APBA1: variants seen among roughly 807,000 people sequenced by gnomAD.
APBA1 encodes the protein amyloid-beta A4 precursor protein-binding family A member 1.
A neutral mutation model predicts 86.6 loss-of-function variants in APBA1; 55 were observed. That is an observed-to-expected ratio of 0.64 (90% confidence interval 0.51 to 0.80). The LOEUF is 0.80. Among genes scored for constraint, APBA1 ranks in the 30% least tolerant of loss-of-function variants. APBA1 has a pLI of 0.00. For synonymous variants in APBA1, 511 were observed against 493.9 expected, an observed-to-expected ratio of 1.03 and a Z score of -0.46; for missense variants, 1,090 against 1,183.0, an observed-to-expected ratio of 0.92 and a Z score of 1.15.
intron 5 of APBA1, among the ~76,000 whole-genome samples, chr9:69,467,337 A>G (rs958901899): frequency 1.3e-5 from 2 of 152,356 alleles, no homozygotes; most frequent in Middle Eastern, 3.4e-3. Context: ...ACCTTAGACT[A>G]GCCAGGTTAG....
chr9:69,465,749 T>C (rs1835267575), intron 5 of APBA1, among the ~76,000 whole-genome samples: 1 of 152,304 alleles, frequency 6.6e-6, no homozygotes, highest in Admixed American at 6.5e-5. Context: ...GACACATCTC[T>C]TTGGGTAGGG....
chr9:69,444,772 C>G (rs1458452698), intron 10 of APBA1, among the ~76,000 whole-genome samples: 2 of 152,118 alleles, frequency 1.3e-5, no homozygotes, highest in Non-Finnish European at 2.9e-5. Flanking sequence ...TTCCATCCAC[C>G]TAATCAATAA....
intron 1 of APBA1, among the ~76,000 whole-genome samples, chr9:69,585,546 A>G (rs1822000691): frequency 6.6e-6 from 1 of 152,152 alleles, no homozygotes; most frequent in Admixed American, 6.5e-5. Context: ...CCCTTGGCCC[A>G]GGGGTACCAT....
chr9:69,561,963 C>A (rs1321619737), intron 1 of APBA1, among the ~76,000 whole-genome samples: 1 of 152,052 alleles, frequency 6.6e-6, no homozygotes, highest in African/African-American at 2.4e-5. Flanking sequence ...TAATTACCAT[C>A]ATCATAATCA....
chr9:69,600,829 T>TAAATAAATAAATA (rs1564088633), intron 1 of APBA1, among the ~76,000 whole-genome samples: 3 of 147,346 alleles, frequency 2.0e-5, no homozygotes, highest in African/African-American at 4.9e-5. Flanking sequence ...AATAAATAAA[T>TAAATAAATAAATA]AAATAAAATA....
chr9:69,515,690 T>TTG (rs1836125254), intron 2 of APBA1, among the ~76,000 whole-genome samples: 1 of 110,754 alleles, frequency 9.0e-6, no homozygotes, highest in African/African-American at 4.0e-5. Context: ...AATCAGAAAC[T>TTG]GGGGGGGGGG....
At position 69,516,569 on chromosome 9, in the gene APBA1, C is replaced by A; in HGVS notation, c.642G>T (p.Arg214=). 1 of 1,600,684 alleles carries A rather than the reference C, an allele frequency of 6.2e-7. No homozygotes were observed. The highest frequency in any genetic ancestry group is 1.1e-5 in the South Asian group (1 of 90,816). ...APELDARDGL[R]LYEQERDEAA... is the part of the protein sequence containing the mutation. ...CCTCGTCGCGCTCCTGCTCGTAGAGCCGCAGGCCGTCGCGTGCGTCCAGCT... is the reference window on the plus strand; with the variant it reads ...CCTCGTCGCGCTCCTGCTCGTAGAGACGCAGGCCGTCGCGTGCGTCCAGCT... The change falls in exon 2 of 13, where the codon CGG becomes CGT. Residue 214 remains arginine (R), a synonymous_variant. Coordinates refer to ENST00000265381, the MANE Select transcript of APBA1 (RefSeq NM_001163.4). This position sits in a 1 kb window ranked among gnomAD's most constrained non-coding sequence, Gnocchi z 7.3.
chr9:69,561,292 A>T (rs916859534), intron 1 of APBA1, among the ~76,000 whole-genome samples: 1 of 152,224 alleles, frequency 6.6e-6, no homozygotes, highest in Non-Finnish European at 1.5e-5. Flanking sequence ...TAGTTGGTTT[A>T]TATGATGGTG....
At chr9:69,660,094 T>A (rs1312902644) in intron 1 of APBA1, among the ~76,000 whole-genome samples, 1 of 152,198 alleles carries the variant, frequency 6.6e-6, no homozygotes, top group Non-Finnish European at 1.5e-5. Context: ...CAAACAGCCC[T>A]GCCATAATTC....
At chr9:69,452,485 C>A (rs917385403) in intron 8 of APBA1, among the ~76,000 whole-genome samples, 184 bp from the exon 9 acceptor site, 1 of 152,214 alleles carries the variant, frequency 6.6e-6, no homozygotes, top group Non-Finnish European at 1.5e-5. Flanking sequence ...TTCAGAAAGA[C>A]TGGGGATGTT....
chr9:69,641,583 G>A (rs1036655774), intron 1 of APBA1, among the ~76,000 whole-genome samples: 5 of 152,232 alleles, frequency 3.3e-5, no homozygotes, highest in Non-Finnish European at 5.9e-5. Context: ...TCCAGAAACA[G>A]ACCCACCATA....
At chr9:69,669,653 T>C (rs1823909848) in intron 1 of APBA1, among the ~76,000 whole-genome samples, 1 of 152,188 alleles carries the variant, frequency 6.6e-6, no homozygotes. Flanking sequence ...CATGTGCCTA[T>C]TGTCCCAGCT....
In APBA1 at chr9:69,535,171, G is replaced by C. The variant is rs905448798; in HGVS notation, c.-69-17892C>G. Among the ~76,000 whole-genome samples, 13 of 152,174 alleles carry C rather than the reference G, an allele frequency of 8.5e-5. No individual in the cohort carries two copies. In the East Asian group the frequency reaches 2.5e-3, roughly 29 times the overall value. ...GAAACTCAATAAAGAACCATTACTT[G>C]ATTATGACTATGTAAATAATGTTCA... On this transcript the variant is annotated intron_variant, in intron 1 of 12. Transcript: ENST00000265381.
At chr9:69,459,795 AG>A (rs1454028963) in intron 5 of APBA1, among the ~76,000 whole-genome samples, 1 of 152,250 alleles carries the variant, frequency 6.6e-6, no homozygotes, top group East Asian at 1.9e-4. Context: ...TCTACCTCAC[AG>A]GGATATTTTG....
intron 1 of APBA1, among the ~76,000 whole-genome samples, chr9:69,665,921 A>G (rs1256680904): frequency 6.6e-6 from 1 of 152,112 alleles, no homozygotes; most frequent in Non-Finnish European, 1.5e-5. Flanking sequence ...TTTTTAGTAG[A>G]GACAGCATTT....
At chr9:69,495,667 A>T (rs1004402846) in intron 2 of APBA1, among the ~76,000 whole-genome samples, 6 of 152,176 alleles carry the variant, frequency 3.9e-5, no homozygotes, top group Admixed American at 1.3e-4. Context: ...AGCAGCACCT[A>T]CTATTTCTGG....
At chr9:69,555,053 T>C (rs1836841532) in intron 1 of APBA1, among the ~76,000 whole-genome samples, 2 of 152,188 alleles carry the variant, frequency 1.3e-5, no homozygotes, top group Admixed American at 1.3e-4. Flanking sequence ...ATTCAGGCAT[T>C]CAAAACTAAG....
intron 1 of APBA1, among the ~76,000 whole-genome samples, chr9:69,630,945 G>A (rs955811521): frequency 1.3e-5 from 2 of 152,188 alleles, no homozygotes; most frequent in African/African-American, 4.8e-5. Flanking sequence ...AGTGAGACCT[G>A]TCAGGGCTTA....
intron 2 of APBA1, among the ~76,000 whole-genome samples, chr9:69,501,548 T>G (rs894206593): frequency 5.9e-5 from 9 of 151,652 alleles, no homozygotes; most frequent in African/African-American, 2.2e-4. Context: ...ATGCCTGTAA[T>G]ATGACACTTT....
Sources: allele counts gnomAD v4.1 joint callset (sites outside exome capture counted in the v4.1 genomes callset), GRCh38; gene constraint gnomAD v4.1.1; non-coding constraint Gnocchi (gnomAD v3.1); transcripts MANE v1.5; gene names NCBI Gene and HGNC (gene_info 2026-07-23, HGNC 2026-07-21).